Variants in CNOT2 observed in about 807,000 individuals in gnomAD.
CNOT2 encodes CC chemokine receptor 4-negative regulator of transcription 2.
A neutral mutation model predicts 72.1 loss-of-function variants in CNOT2; 7 were observed. That is an observed-to-expected ratio of 0.10 (90% CI 0.06 to 0.18). The LOEUF (loss-of-function observed/expected upper bound fraction) is 0.18. Ranked by LOEUF, CNOT2 falls within the 10% of genes least tolerant of loss-of-function variation. The probability of loss-of-function intolerance (pLI) is 1.00; values close to 1 mark genes in which losing one functional copy is unlikely to be tolerated. For synonymous variants in CNOT2, 196 were observed against 225.6 expected, an observed-to-expected ratio of 0.87 and a Z score of 1.17; for missense variants, 345 against 660.3, an observed-to-expected ratio of 0.52 and a Z score of 5.23.
In CNOT2 at chr12:70,329,512, G is replaced by T; in HGVS notation, c.328G>T (p.Val110Phe). 6.2e-7 allele frequency: 1 copy of T among 1,611,240 alleles called. No individual in the cohort carries two copies. The change falls in exon 5 of 16, where the codon GTC becomes TTC. Residue 110 changes from valine (V) to phenylalanine (F), a missense_variant. Val to Phe is a conservative substitution (Grantham distance 50, BLOSUM62 -1). Coordinates refer to ENST00000229195, the MANE Select transcript of CNOT2 (RefSeq NM_014515.7). The stretch of plus-strand genomic sequence containing the variant: ...ACAAGGCACTCAGTTACCGAGCCAC[G>T]TCACGCCAACAACAGGGGTACCAAC... ...LSQGTQLPSH[V>F]TPTTGVPTMS...
intron 1 of CNOT2, among the ~76,000 whole-genome samples, chr12:70,271,747 T>TAA (rs1183268812): frequency 6.6e-6 from 1 of 152,162 alleles, no homozygotes; most frequent in Non-Finnish European, 1.5e-5. Flanking sequence ...GAAGGGCTTT[T>TAA]AGAGTGTCAA....
At chr12:70,335,251 T>C in intron 7 of CNOT2, 187 bp from the exon 8 acceptor site, 1 of 471,264 alleles carries the variant, frequency 2.1e-6, no homozygotes, top group Non-Finnish European at 3.8e-6. Context: ...TGCTAAATTG[T>C]TCATGGAATT....
At chr12:70,319,720 C>CTGTG (rs35176886) in intron 4 of CNOT2, among the ~76,000 whole-genome samples, 123 of 149,658 alleles carry the variant, frequency 8.2e-4, no homozygotes, top group East Asian at 3.9e-3. Flanking sequence ...ACTGGCTACT[C>CTGTG]TGTGTGTGTG....
At chr12:70,323,534 G>A (rs1300868539) in intron 4 of CNOT2, 1 of 151,746 alleles carries the variant, frequency 6.6e-6, no homozygotes, top group African/African-American at 2.4e-5. Flanking sequence ...CTTGGAAAAT[G>A]ATTAGGAAAA....
At chr12:70,337,310 GA>G in intron 8 of CNOT2, 78 bp from the exon 9 acceptor site, 1 of 1,237,764 alleles carries the variant, frequency 8.1e-7, no homozygotes, top group Non-Finnish European at 1.2e-6. Flanking sequence ...GTATTATCAT[GA>G]GGAAAGTTAA....
chr12:70,262,858 A>T (rs1335434260), intron 1 of CNOT2, among the ~76,000 whole-genome samples: 1 of 151,974 alleles, frequency 6.6e-6, no homozygotes, highest in African/African-American at 2.4e-5. Context: ...TTTTTTGTAG[A>T]GATGGAGTTT....
intron 2 of CNOT2, among the ~76,000 whole-genome samples, chr12:70,284,759 A>T (rs1034071816): frequency 6.6e-6 from 1 of 152,106 alleles, no homozygotes; most frequent in Non-Finnish European, 1.5e-5. Flanking sequence ...TTTTATTATC[A>T]TCTGAAATCA....
intron 2 of CNOT2, among the ~76,000 whole-genome samples, chr12:70,304,969 G>A (rs543076266): frequency 1.3e-5 from 2 of 152,252 alleles, no homozygotes; most frequent in African/African-American, 2.4e-5. Context: ...AGGACCCTCT[G>A]AGCCAGGTGC....
At chr12:70,253,520 A>G (rs564919360) in intron 1 of CNOT2, among the ~76,000 whole-genome samples, 2 of 152,188 alleles carry the variant, frequency 1.3e-5, no homozygotes, top group African/African-American at 4.8e-5. Context: ...ATCTTTAATG[A>G]AGAGATAATA....
chr12:70,341,001 T>G (rs1233432536), intron 11 of CNOT2, among the ~76,000 whole-genome samples: 1 of 150,808 alleles, frequency 6.6e-6, no homozygotes, highest in Non-Finnish European at 1.5e-5. Context: ...GTCCAAGCGA[T>G]TCTCCTGAGT....
intron 2 of CNOT2, among the ~76,000 whole-genome samples, chr12:70,299,430 G>T (rs1453037409): frequency 2.3e-5 from 3 of 132,282 alleles, no homozygotes; most frequent in African/African-American, 5.9e-5. Flanking sequence ...GTGTCCATGT[G>T]TTCTCATTGT....
chr12:70,329,705 C>G lies in CNOT2; in HGVS notation c.386+135C>G. ...TTCACTGAGGAAGAAAATACCTATG[C>G]TCTTTTTATTTCAGTGCAAATTGTT... On this transcript the variant is annotated intron_variant, in intron 5 of 15. Transcript: ENST00000229195. 4.5e-6 allele frequency: 3 copies of G among 661,722 alleles called. No individual in the cohort carries two copies. The East Asian group carries it at 8.2e-5, about 18-fold the overall frequency. The allele number at this position is 661,722 out of a possible 1,614,324, so 41.0% of individuals were successfully genotyped here.
chr12:70,285,210 G>GT lies in CNOT2; in HGVS notation c.48+6941dup, dbSNP rs1305019476. Among the ~76,000 whole-genome samples the GT allele has an allele frequency of 2.3e-4, 35 of 150,306 alleles. No homozygotes were observed. In the South Asian group the frequency reaches 5.3e-3, roughly 23 times the overall value. Reference sequence around the variant, plus strand: ...AAAGTTATGTTTTGATTTTGTTTTTGTTTTTGTTTTTTTTTTTTAGACGAA... The same window carrying GT: ...AAAGTTATGTTTTGATTTTGTTTTTGTTTTTTGTTTTTTTTTTTTAGACGAA... On this transcript the variant is annotated intron_variant, in intron 2 of 15. Coordinates refer to ENST00000229195, the MANE Select transcript of CNOT2 (RefSeq NM_014515.7).
At chr12:70,254,482 ATTAT>A (rs1168478842) in intron 1 of CNOT2, among the ~76,000 whole-genome samples, 2 of 152,100 alleles carry the variant, frequency 1.3e-5, no homozygotes, top group African/African-American at 2.4e-5. Flanking sequence ...AAACGTATGA[ATTAT>A]TTATTTCTGG....
Position 70,353,931 on chromosome 12 carries a change from A to AAAAAAAAAAG in CNOT2, c.*23_*24insAAGAAAAAAA. 1 of 1,580,436 alleles carries AAAAAAAAAAG rather than the reference A, an allele frequency of 6.3e-7. No individual in the cohort carries two copies. The highest frequency in any genetic ancestry group is 2.2e-5 in the East Asian group (1 of 44,568). The stretch of plus-strand genomic sequence containing the variant: ...AGCCTTCTAAAAAAAAAAAAAAAAA[A>AAAAAAAAAAG]AAAAAAAGACTTCCCTTTTCTTGGG... On this transcript the variant is annotated 3_prime_UTR_variant, in exon 16 of 16. Coordinates refer to ENST00000229195, the MANE Select transcript of CNOT2 (RefSeq NM_014515.7).
chr12:70,324,402 A>G (rs900842701), intron 4 of CNOT2: 2 of 151,686 alleles, frequency 1.3e-5, no homozygotes, highest in African/African-American at 4.8e-5. Flanking sequence ...AAAAAATGGG[A>G]TGACTTGGAC....
chr12:70,259,029 T>C (rs918307818), intron 1 of CNOT2, among the ~76,000 whole-genome samples: 5 of 152,246 alleles, frequency 3.3e-5, no homozygotes, highest in African/African-American at 1.2e-4. Flanking sequence ...AAAATATACC[T>C]TGTATATACT....
At chr12:70,332,576 A>AT (rs1166494250) in intron 6 of CNOT2, 191 bp from the exon 7 acceptor site, 1 of 849,108 alleles carries the variant, frequency 1.2e-6, no homozygotes, top group African/African-American at 1.8e-5. Context: ...TCTGGTTCTC[A>AT]TTTGTTCATG....
intron 1 of CNOT2, among the ~76,000 whole-genome samples, chr12:70,253,113 C>G (rs1958232258): frequency 6.6e-6 from 1 of 152,202 alleles, no homozygotes; most frequent in Non-Finnish European, 1.5e-5. Flanking sequence ...TCATATTGCT[C>G]TGTCTGTAGT....
Sources: allele counts gnomAD v4.1 joint callset (sites outside exome capture counted in the v4.1 genomes callset), GRCh38; gene constraint gnomAD v4.1.1; transcripts MANE v1.5; gene names NCBI Gene and HGNC (gene_info 2026-07-23, HGNC 2026-07-21).